The following DIAPH3 variants were observed in gnomAD, a reference collection of about 807,000 sequenced individuals.
DIAPH3 encodes protein diaphanous homolog 3.
In DIAPH3, 117 loss-of-function variants were observed where a neutral mutation model predicts 144.3. That is an observed-to-expected ratio of 0.81 (90% CI 0.70 to 0.95). The LOEUF (loss-of-function observed/expected upper bound fraction) is 0.95. Among genes scored for constraint, DIAPH3 ranks in the 40% least tolerant of loss-of-function variants. The pLI, the probability that DIAPH3 is intolerant of heterozygous loss-of-function variation, is 0.00. For synonymous variants in DIAPH3, 519 were observed against 488.9 expected, an observed-to-expected ratio of 1.06 and a Z score of -0.81; for missense variants, 1,421 against 1,412.7, an observed-to-expected ratio of 1.01 and a Z score of -0.09.
chr13:59,802,905 C>T (rs2040013211), intron 25 of DIAPH3, among the ~76,000 whole-genome samples: 1 of 150,228 alleles, frequency 6.7e-6, no homozygotes, highest in Non-Finnish European at 1.5e-5. Context: ...AGGATGGTCT[C>T]GATCTCCTGA....
At chr13:59,726,810 A>C in intron 27 of DIAPH3, among the ~76,000 whole-genome samples, 1 of 152,216 alleles carries the variant, frequency 6.6e-6, no homozygotes, top group Non-Finnish European at 1.5e-5. Flanking sequence ...CAATATAATA[A>C]AACATTAGCC....
intron 9 of DIAPH3, among the ~76,000 whole-genome samples, chr13:60,003,568 T>G (rs2052660877): frequency 6.6e-6 from 1 of 150,558 alleles, no homozygotes; most frequent in Admixed American, 6.6e-5. Context: ...GATAGATAGA[T>G]ATAGATATAT....
intron 27 of DIAPH3, among the ~76,000 whole-genome samples, chr13:59,703,544 C>A (rs1188112762): frequency 6.6e-6 from 1 of 152,168 alleles, no homozygotes; most frequent in East Asian, 1.9e-4. Flanking sequence ...TTATCCAGCA[C>A]TAAATTCTTA....
intron 17 of DIAPH3, among the ~76,000 whole-genome samples, chr13:59,955,493 T>C (rs891488810): frequency 6.6e-6 from 1 of 152,214 alleles, no homozygotes; most frequent in Non-Finnish European, 1.5e-5. Flanking sequence ...CTTCTTTTTC[T>C]TTATGAATTA....
intron 1 of DIAPH3, among the ~76,000 whole-genome samples, chr13:60,136,169 G>A (rs1395404754): frequency 6.6e-6 from 1 of 152,146 alleles, no homozygotes; most frequent in South Asian, 2.1e-4. Flanking sequence ...AAAACTATAA[G>A]GGTAATATCC....
chr13:59,906,453 T>C (rs1010377841), intron 20 of DIAPH3, among the ~76,000 whole-genome samples: 10 of 152,226 alleles, frequency 6.6e-5, no homozygotes, highest in African/African-American at 2.4e-4. Flanking sequence ...GGGGGACATC[T>C]ACATTGTATT....
intron 4 of DIAPH3, among the ~76,000 whole-genome samples, chr13:60,087,578 C>T (rs1224213765): frequency 1.3e-5 from 2 of 151,996 alleles, no homozygotes; most frequent in Non-Finnish European, 2.9e-5. Context: ...ATTTAACTTT[C>T]ACATTTAAAA....
intron 9 of DIAPH3, 38 bp downstream of exon 9, chr13:60,008,506 C>T (rs762326469): frequency 2.2e-6 from 3 of 1,348,474 alleles, no homozygotes; most frequent in African/African-American, 2.9e-5. Context: ...GTAATATATG[C>T]CATTTAAAAA....
At chr13:60,113,720 G>C (rs1000605946) in intron 2 of DIAPH3, among the ~76,000 whole-genome samples, 1 of 152,182 alleles carries the variant, frequency 6.6e-6, no homozygotes, top group African/African-American at 2.4e-5. Flanking sequence ...AAAATGACAA[G>C]CTGCTCTTAT....
chr13:60,149,752 CA>C (rs35814915), intron 1 of DIAPH3, among the ~76,000 whole-genome samples: 1,400 of 95,308 alleles, frequency 0.015, 36 homozygotes, highest in Admixed American at 0.084. Flanking sequence ...GACACTGTCT[CA>C]AAAAAAAAAA....
chr13:59,847,488 G>C (rs1253481803), intron 22 of DIAPH3, among the ~76,000 whole-genome samples: 1 of 152,162 alleles, frequency 6.6e-6, no homozygotes, highest in Non-Finnish European at 1.5e-5. Flanking sequence ...CCTTTTAGAA[G>C]AGAAAGTGTA....
At chr13:59,897,071 G>A (rs1252522388) in intron 20 of DIAPH3, among the ~76,000 whole-genome samples, 1 of 152,154 alleles carries the variant, frequency 6.6e-6, no homozygotes, top group East Asian at 1.9e-4. Flanking sequence ...AAAATTATAT[G>A]TGTTTTATAA....
intron 4 of DIAPH3, among the ~76,000 whole-genome samples, chr13:60,084,427 C>T (rs1430845670): frequency 1.3e-5 from 2 of 151,966 alleles, no homozygotes; most frequent in East Asian, 3.9e-4. Context: ...ACCATTCCCT[C>T]ATGTGCAAAA....
intron 1 of DIAPH3, among the ~76,000 whole-genome samples, chr13:60,136,109 C>G (rs1251110753): frequency 6.6e-6 from 1 of 152,148 alleles, no homozygotes; most frequent in East Asian, 1.9e-4. Flanking sequence ...AAATGACTAA[C>G]TAAATCCTCA....
intron 14 of DIAPH3, among the ~76,000 whole-genome samples, chr13:59,978,364 C>T (rs2050791070): frequency 6.6e-6 from 1 of 151,412 alleles, no homozygotes; most frequent in South Asian, 2.1e-4. Context: ...CACTGTTACA[C>T]AGCAAGAAAA....
rs574148544 is a variant in DIAPH3, at chr13:59,979,815, C to T, written c.1545+980G>A. On this transcript the variant is annotated intron_variant, in intron 14 of 27. Transcript: ENST00000400324. Reference sequence around the variant, plus strand: ...GAAATATTCACTTCGTAAATGTTTGCTGTGGGTTCATCATGGTGACAACAG... The same window carrying T: ...GAAATATTCACTTCGTAAATGTTTGTTGTGGGTTCATCATGGTGACAACAG... Among the ~76,000 whole-genome samples, 13 of 151,754 alleles carry T rather than the reference C, an allele frequency of 8.6e-5. No homozygotes were observed. In the East Asian group the frequency reaches 1.9e-3, roughly 23 times the overall value.
chr13:60,058,150 A>C (rs1255002891), intron 4 of DIAPH3, among the ~76,000 whole-genome samples: 1 of 151,846 alleles, frequency 6.6e-6, no homozygotes, highest in East Asian at 1.9e-4. Flanking sequence ...TCTGACAAAG[A>C]ATTAATATCC....
At chr13:59,974,326 C>T in intron 15 of DIAPH3, 26 bp downstream of exon 15, 3 of 1,568,362 alleles carry the variant, frequency 1.9e-6, no homozygotes, top group Non-Finnish European at 2.6e-6. Context: ...TTTTAATACC[C>T]AAATTCACTC....
chr13:59,818,003 T>G (rs1292049931), intron 24 of DIAPH3, among the ~76,000 whole-genome samples: 1 of 151,954 alleles, frequency 6.6e-6, no homozygotes, highest in Non-Finnish European at 1.5e-5. Context: ...TCTCAATCTG[T>G]TTTTTGTTGC....
Sources: gnomAD v4.1 joint callset for allele counts (sites outside exome capture counted in the v4.1 genomes callset) on GRCh38, gnomAD v4.1.1 for gene constraint, MANE v1.5 for transcripts, NCBI Gene and HGNC (gene_info 2026-07-23, HGNC 2026-07-21) for gene names.